FSTL5: variants seen among roughly 807,000 people sequenced by gnomAD.
FSTL5 encodes the protein follistatin-related protein 5.
A neutral mutation model predicts 89.1 loss-of-function variants in FSTL5; 62 were observed. That is an observed-to-expected ratio of 0.70 (90% CI 0.57 to 0.86). FSTL5 has a LOEUF of 0.86. Among genes scored for constraint, FSTL5 ranks in the 40% least tolerant of loss-of-function variants. The probability of loss-of-function intolerance (pLI) is 0.00; values close to 1 mark genes in which losing one functional copy is unlikely to be tolerated. For synonymous variants in FSTL5, 383 were observed against 346.2 expected (o/e 1.11, Z -1.18); for missense variants, 1,057 against 1,001.6 (o/e 1.06, Z -0.75).
intron 7 of FSTL5, among the ~76,000 whole-genome samples, chr4:161,638,129 T>G (rs1578986137): frequency 6.6e-6 from 1 of 151,144 alleles, no homozygotes; most frequent in African/African-American, 2.4e-5. Context: ...TTGTATCCTC[T>G]TTTATTTCCT....
intron 15 of FSTL5, among the ~76,000 whole-genome samples, chr4:161,448,557 T>C (rs1733036726): frequency 6.6e-6 from 1 of 152,174 alleles, no homozygotes; most frequent in Admixed American, 6.6e-5. Flanking sequence ...TAAGGAAACA[T>C]ATATCAAACT....
intron 6 of FSTL5, among the ~76,000 whole-genome samples, chr4:161,730,694 G>A (rs893074930): frequency 1.3e-5 from 2 of 152,104 alleles, no homozygotes; most frequent in African/African-American, 4.8e-5. Flanking sequence ...ATGATACAGT[G>A]TCCATTACCC....
intron 8 of FSTL5, among the ~76,000 whole-genome samples, chr4:161,567,751 T>C: frequency 6.6e-6 from 1 of 151,826 alleles, no homozygotes; most frequent in East Asian, 1.9e-4. Flanking sequence ...AAAATAATAG[T>C]ATCTGAGAAT....
intron 4 of FSTL5, among the ~76,000 whole-genome samples, chr4:161,776,713 T>G (rs1741424622): frequency 6.6e-6 from 1 of 151,782 alleles, no homozygotes; most frequent in Non-Finnish European, 1.5e-5. Context: ...AAATAAATAA[T>G]GTTACAAATA....
At position 161,860,100 on chromosome 4, in the gene FSTL5, A is replaced by G. The variant is rs541148782; in HGVS notation, c.409+60304T>C. Among the ~76,000 whole-genome samples the G allele has an allele frequency of 1.1e-4, 16 of 152,184 alleles. No homozygotes were observed. The South Asian group carries it at 3.1e-3, about 30-fold the overall frequency. On this transcript the variant is annotated intron_variant, in intron 4 of 15. Coordinates refer to ENST00000306100, the MANE Select transcript of FSTL5 (RefSeq NM_020116.5). ...TCAGGAGATCTAGACCATCCTGGCTAGCGCAGTGAAACCCCGTCTCTACTA... is the reference window on the plus strand; with the variant it reads ...TCAGGAGATCTAGACCATCCTGGCTGGCGCAGTGAAACCCCGTCTCTACTA...
chr4:161,709,518 T>TTGGC (rs1738702148), intron 6 of FSTL5, among the ~76,000 whole-genome samples: 1 of 152,166 alleles, frequency 6.6e-6, no homozygotes, highest in Non-Finnish European at 1.5e-5. Flanking sequence ...AGTTTAAACG[T>TTGGC]TGGCTGGTGC....
At chr4:161,746,728 T>C (rs1740214710) in intron 6 of FSTL5, among the ~76,000 whole-genome samples, 1 of 152,202 alleles carries the variant, frequency 6.6e-6, no homozygotes, top group Non-Finnish European at 1.5e-5. Context: ...AATCCCTGTG[T>C]CACTTTTGGT....
intron 4 of FSTL5, among the ~76,000 whole-genome samples, chr4:161,884,268 C>T (rs979307982): frequency 6.6e-6 from 1 of 152,074 alleles, no homozygotes; most frequent in Non-Finnish European, 1.5e-5. Context: ...AAACTCCTGA[C>T]CTCGTGATCT....
intron 3 of FSTL5, among the ~76,000 whole-genome samples, chr4:162,016,846 T>C (rs541129645): frequency 2.0e-5 from 3 of 152,250 alleles, no homozygotes; most frequent in Admixed American, 1.3e-4. Flanking sequence ...GCAGCAGTCT[T>C]AGAGTTAAAG....
rs529593359 is a variant in FSTL5 at position 161,442,905 on chromosome 4, T to C, written c.1841+12099A>G. On this transcript the variant is annotated intron_variant, in intron 15 of 15. Coordinates refer to ENST00000306100, the MANE Select transcript of FSTL5 (RefSeq NM_020116.5). ...AAACTTTTTAAAGCCAGATGGAATT[T>C]GGGGCTCACTGGTGGAAATTCTGGA... 2.0e-5 allele frequency among the ~76,000 whole-genome samples: 3 copies of C among 152,130 alleles called. No individual in the cohort carries two copies. The East Asian group carries it at 5.8e-4, about 29-fold the overall frequency.
chr4:162,004,676 A>C (rs1022838071), intron 3 of FSTL5, among the ~76,000 whole-genome samples: 1 of 152,156 alleles, frequency 6.6e-6, no homozygotes, highest in Non-Finnish European at 1.5e-5. Context: ...TTTATTAAAT[A>C]AAATTATTTT....
Position 161,770,365 on chromosome 4 carries a change from A to G in FSTL5, c.606+5513T>C, listed in dbSNP as rs543851992. ...AGAAGAATTTAATTGAATTGCTTGTAGCAAAAAGGATAGATGCTTGAGGTG... is the reference window on the plus strand; with the variant it reads ...AGAAGAATTTAATTGAATTGCTTGTGGCAAAAAGGATAGATGCTTGAGGTG... On this transcript the variant is annotated intron_variant, in intron 5 of 15. Transcript: ENST00000306100. 1.2e-4 allele frequency among the ~76,000 whole-genome samples: 18 copies of G among 152,144 alleles called. No homozygotes were observed. In the South Asian group the frequency reaches 3.7e-3, roughly 32 times the overall value.
At chr4:161,616,539 G>A (rs1195192556) in intron 7 of FSTL5, among the ~76,000 whole-genome samples, 1 of 152,126 alleles carries the variant, frequency 6.6e-6, no homozygotes, top group African/African-American at 2.4e-5. Context: ...TTGCTCCTCA[G>A]CTTGCAGACG....
At chr4:162,071,036 C>A (rs925689075) in intron 2 of FSTL5, among the ~76,000 whole-genome samples, 1 of 151,452 alleles carries the variant, frequency 6.6e-6, no homozygotes, top group South Asian at 2.1e-4. Context: ...TATAGAAATC[C>A]ATCAACCCAC....
At chr4:161,519,616 C>A (rs17041166) in intron 10 of FSTL5, among the ~76,000 whole-genome samples, 2,577 of 152,208 alleles carry the variant, frequency 0.017, 72 homozygotes, top group African/African-American at 0.059. Context: ...GCCAGATTGG[C>A]AACACCTAAG....
intron 2 of FSTL5, among the ~76,000 whole-genome samples, chr4:162,054,106 C>G (rs1282926890): frequency 6.6e-6 from 1 of 151,678 alleles, no homozygotes; most frequent in South Asian, 2.1e-4. Context: ...TGCATATACA[C>G]CTACATCAAT....
At chr4:161,801,017 A>G (rs1729774379) in intron 4 of FSTL5, among the ~76,000 whole-genome samples, 1 of 151,572 alleles carries the variant, frequency 6.6e-6, no homozygotes, top group Non-Finnish European at 1.5e-5. Flanking sequence ...ATAATGACAA[A>G]TGATAGTGAA....
intron 1 of FSTL5, among the ~76,000 whole-genome samples, chr4:162,158,341 T>C (rs1019484538): frequency 1.3e-5 from 2 of 152,096 alleles, no homozygotes; most frequent in African/African-American, 4.8e-5. Flanking sequence ...GGTCAATTAA[T>C]GTAGCATCTT....
intron 1 of FSTL5, among the ~76,000 whole-genome samples, chr4:162,124,147 T>C (rs1731978755): frequency 1.3e-5 from 2 of 152,210 alleles, no homozygotes; most frequent in Admixed American, 1.3e-4. Context: ...TTGGTACTAG[T>C]ATGATATCTG....
Sources: allele counts gnomAD v4.1 joint callset (sites outside exome capture counted in the v4.1 genomes callset), GRCh38; gene constraint gnomAD v4.1.1; transcripts MANE v1.5; gene names NCBI Gene and HGNC (gene_info 2026-07-23, HGNC 2026-07-21).